Variants in ORMDL1 observed in about 807,000 individuals in gnomAD.
ORMDL1 encodes the protein ORMDL sphingolipid biosynthesis regulator 1, also known as ORM1-like protein 1.
ORMDL1 carries 10 observed loss-of-function variants against 13.0 expected under a neutral mutation model. The ratio of observed to expected loss-of-function variants is 0.77; its 90% CI spans 0.47 to 1.30. The LOEUF (loss-of-function observed/expected upper bound fraction) is 1.30. ORMDL1 is among the 50% of genes most tolerant of loss of function. The probability of loss-of-function intolerance (pLI) is 0.00; values close to 1 mark genes in which losing one functional copy is unlikely to be tolerated. For synonymous variants in ORMDL1, 61 were observed against 63.9 expected, an observed-to-expected ratio of 0.95 and a Z score of 0.22; for missense variants, 171 against 186.7, an observed-to-expected ratio of 0.92 and a Z score of 0.49.
At chr2:189,774,123 C>A (rs1340913798) in intron 4 of ORMDL1, 1 of 152,136 alleles carries the variant, frequency 6.6e-6, no homozygotes, top group Non-Finnish European at 1.5e-5. Context: ...ATCTGAATAA[C>A]CAATATTTTT....
chr2:189,777,983 A>C (rs1442895292), intron 3 of ORMDL1, among the ~76,000 whole-genome samples: 1 of 152,252 alleles, frequency 6.6e-6, no homozygotes, highest in African/African-American at 2.4e-5. Flanking sequence ...CCGATGGCTA[A>C]TTAAGTTTTT....
At chr2:189,781,722 GAAAGA>G (rs150605924) in intron 3 of ORMDL1, among the ~76,000 whole-genome samples, 1,575 of 151,852 alleles carry the variant, frequency 0.01, 34 homozygotes, top group African/African-American at 0.036. Context: ...AATAAAGCGT[GAAAGA>G]AAAAAGAAAA....
At chr2:189,777,050 CAG>C (rs1312537713) in intron 3 of ORMDL1, among the ~76,000 whole-genome samples, 1 of 152,180 alleles carries the variant, frequency 6.6e-6, no homozygotes, top group African/African-American at 2.4e-5. Flanking sequence ...CTTAAAGGTT[CAG>C]CTCAAATAAC....
At chr2:189,780,377 T>G (rs1177182290) in intron 3 of ORMDL1, among the ~76,000 whole-genome samples, 1 of 152,196 alleles carries the variant, frequency 6.6e-6, no homozygotes, top group Non-Finnish European at 1.5e-5. Flanking sequence ...CATTCAGCTG[T>G]CTGGCTTGGC....
chr2:189,772,313 C>G (rs1364291169), intron 4 of ORMDL1, among the ~76,000 whole-genome samples: 1 of 152,166 alleles, frequency 6.6e-6, no homozygotes, highest in Admixed American at 6.5e-5. Flanking sequence ...AGAACCTGTA[C>G]TGTAAAGCTC....
At chr2:189,774,815 T>C (rs1483622975) in intron 4 of ORMDL1, 1 of 152,126 alleles carries the variant, frequency 6.6e-6, no homozygotes, top group Non-Finnish European at 1.5e-5. Flanking sequence ...GAAATAGGAC[T>C]ACACATGAAA....
intron 3 of ORMDL1, among the ~76,000 whole-genome samples, chr2:189,778,654 G>C (rs2047754079): frequency 6.6e-6 from 1 of 152,142 alleles, no homozygotes. Context: ...CAGCATTTTG[G>C]AAGGCCAAGG....
chr2:189,767,733 C>G (rs1171909242), downstream of ORMDL1, among the ~76,000 whole-genome samples: 1 of 152,146 alleles, frequency 6.6e-6, no homozygotes, highest in Non-Finnish European at 1.5e-5. Flanking sequence ...AACTTGAGAG[C>G]TACACGTAAG....
At chr2:189,769,442 G>A (rs2047535680), downstream of ORMDL1, among the ~76,000 whole-genome samples, 2 of 152,056 alleles carry the variant, frequency 1.3e-5, no homozygotes. Context: ...GTGTCTAAGG[G>A]CTTCTCTAAC....
intron 3 of ORMDL1, among the ~76,000 whole-genome samples, chr2:189,776,305 A>C (rs147496078): frequency 6.6e-6 from 1 of 152,172 alleles, no homozygotes; most frequent in African/African-American, 2.4e-5. Context: ...ATTGTGCCTC[A>C]ATAGCATTTC....
Position 189,779,649 on chromosome 2 carries a change from T to TA in ORMDL1, c.174+2772dup, listed in dbSNP as rs562516303. On this transcript the variant is annotated intron_variant, in intron 3 of 4. Coordinates refer to ENST00000392349, the MANE Select transcript of ORMDL1 (RefSeq NM_016467.5). ...TGCAATGGATGATCACTGAATGACT[T>TA]AGAGTATGACTTGAGCAAACATGCA... Among the ~76,000 whole-genome samples the TA allele has an allele frequency of 7.2e-4, 110 of 152,278 alleles. 1 individual carries two copies. The highest frequency in any genetic ancestry group is 3.1e-3 in the Admixed American group (48 of 15,294).
intron 4 of ORMDL1, among the ~76,000 whole-genome samples, chr2:189,773,365 C>A (rs2106142531): frequency 6.6e-6 from 1 of 152,280 alleles, no homozygotes; most frequent in Admixed American, 6.5e-5. Context: ...TAGGGTTTAA[C>A]CTGAGCTCTG....
At chr2:189,783,747 G>C (rs1282842604) in intron 1 of ORMDL1, among the ~76,000 whole-genome samples, 3 of 152,324 alleles carry the variant, frequency 2.0e-5, no homozygotes, top group South Asian at 4.1e-4. Context: ...CGTTCCACAG[G>C]ATGGAGGCCT....
At position 189,775,732 on chromosome 2, in the gene ORMDL1, G is replaced by T; in HGVS notation, c.175-16C>A. On this transcript the variant is annotated splice_polypyrimidine_tract_variant and intron_variant, in intron 3 of 4. Coordinates refer to ENST00000392349, the MANE Select transcript of ORMDL1 (RefSeq NM_016467.5). Reference sequence around the variant, plus strand: ...CGTACATCCCCTGGAAAACAAGCAAGGGGTTATAAATGATCAATATTAAAT... The same window carrying T: ...CGTACATCCCCTGGAAAACAAGCAATGGGTTATAAATGATCAATATTAAAT... 1 of 1,610,822 alleles carries T rather than the reference G, an allele frequency of 6.2e-7. No homozygotes were observed. The highest frequency in any genetic ancestry group is 1.1e-5 in the South Asian group (1 of 90,514).
chr2:189,774,109 G>A (rs1280173224), intron 4 of ORMDL1: 2 of 152,124 alleles, frequency 1.3e-5, no homozygotes, highest in Non-Finnish European at 2.9e-5. Context: ...CCAAATTCAG[G>A]GCCATCTGAA....
At position 189,771,723 on chromosome 2, in the gene ORMDL1, A is replaced by C. The variant is rs756949994; in HGVS notation, c.*44T>G. ...GTTTACTAACCACTCCTTCCTTATA[A>C]GAAATTCAGTAGCTGTAAAATTTTT... On this transcript the variant is annotated 3_prime_UTR_variant, in exon 5 of 5. Coordinates refer to ENST00000392349, the MANE Select transcript of ORMDL1 (RefSeq NM_016467.5). 23 of 1,513,848 alleles carry C rather than the reference A, an allele frequency of 1.5e-5. No individual in the cohort carries two copies. The highest frequency in any genetic ancestry group is 1.8e-5 in the Non-Finnish European group (20 of 1,117,496). The allele number at this position is 1,513,848 out of a possible 1,614,324, so 93.8% of individuals were successfully genotyped here.
chr2:189,768,388 T>A (rs2047517089), downstream of ORMDL1, among the ~76,000 whole-genome samples: 1 of 152,242 alleles, frequency 6.6e-6, no homozygotes, highest in African/African-American at 2.4e-5. Flanking sequence ...TTTGTGTTCT[T>A]CATGACTAGC....
At chr2:189,775,300 C>T (rs1393659501) in intron 4 of ORMDL1, 1 of 298,004 alleles carries the variant, frequency 3.4e-6, no homozygotes, top group African/African-American at 2.2e-5. Flanking sequence ...AGGACGGGAG[C>T]TGGAATACAT....
chr2:189,769,345 C>A (rs1403344264), downstream of ORMDL1, among the ~76,000 whole-genome samples: 1 of 151,838 alleles, frequency 6.6e-6, no homozygotes, highest in Non-Finnish European at 1.5e-5. Context: ...CGGGATCACG[C>A]CACTGCACTC....
Sources: allele counts gnomAD v4.1 joint callset (sites outside exome capture counted in the v4.1 genomes callset), GRCh38; gene constraint gnomAD v4.1.1; transcripts MANE v1.5; gene names NCBI Gene and HGNC (gene_info 2026-07-23, HGNC 2026-07-21).